MYLK: variants seen among roughly 807,000 people sequenced by gnomAD.
The protein encoded by MYLK is myosin light chain kinase, smooth muscle.
Under a neutral mutation model 203.4 loss-of-function variants are expected in MYLK, and 106 were observed. The ratio of observed to expected loss-of-function variants is 0.52; its 90% CI spans 0.45 to 0.61. The LOEUF is 0.61. Ranked by LOEUF, MYLK falls within the 20% of genes least tolerant of loss-of-function variation. The pLI, the probability that MYLK is intolerant of heterozygous loss-of-function variation, is 0.00. For synonymous variants in MYLK, 867 were observed against 959.5 expected, an observed-to-expected ratio of 0.90 and a Z score of 1.78; for missense variants, 2,072 against 2,442.3, an observed-to-expected ratio of 0.85 and a Z score of 3.20.
At chr3:123,799,812 A>G (rs2065129109) in intron 3 of MYLK, 1 of 152,332 alleles carries the variant, frequency 6.6e-6, no homozygotes, top group Non-Finnish European at 1.5e-5. Flanking sequence ...GCAGGACCAC[A>G]CACCAGTGAA....
At chr3:123,804,174 C>T (rs1300490884) in intron 3 of MYLK, among the ~76,000 whole-genome samples, 1 of 152,182 alleles carries the variant, frequency 6.6e-6, no homozygotes, top group Non-Finnish European at 1.5e-5. Flanking sequence ...CTTCATTCTT[C>T]CTCTCCCTCC....
intron 19 of MYLK, among the ~76,000 whole-genome samples, chr3:123,682,596 C>T (rs1005665365): frequency 4.6e-5 from 7 of 152,206 alleles, no homozygotes; most frequent in East Asian, 3.9e-4. Context: ...GATGCTCCCC[C>T]GGAATGCCAT....
intron 4 of MYLK, 150 bp downstream of exon 4, chr3:123,793,527 A>G: frequency 4.8e-6 from 4 of 830,668 alleles, no homozygotes; most frequent in Non-Finnish European, 7.4e-6. Flanking sequence ...CAAAAGAAAG[A>G]GAAAAGTGGC....
At chr3:123,681,460 C>A (rs2108449830) in intron 20 of MYLK, 1 of 152,766 alleles carries the variant, frequency 6.5e-6, no homozygotes, top group East Asian at 1.9e-4. Flanking sequence ...AGACACATCT[C>A]CGTGACATTG....
intron 2 of MYLK, among the ~76,000 whole-genome samples, chr3:123,857,557 A>G (rs568814753): frequency 6.6e-6 from 1 of 151,380 alleles, no homozygotes; most frequent in South Asian, 2.1e-4. Context: ...ACAAAAAACC[A>G]AACACCGCAT....
At chr3:123,837,181 C>T (rs1332579132) in intron 2 of MYLK, among the ~76,000 whole-genome samples, 1 of 152,050 alleles carries the variant, frequency 6.6e-6, no homozygotes, top group Non-Finnish European at 1.5e-5. Context: ...TACAGGCATG[C>T]ACCACCATGC....
intron 23 of MYLK, among the ~76,000 whole-genome samples, chr3:123,660,601 A>C (rs939590876): frequency 4.6e-5 from 7 of 152,244 alleles, no homozygotes; most frequent in African/African-American, 1.4e-4. Flanking sequence ...TCACTCATTT[A>C]AGCTAACAGA....
At chr3:123,712,229 G>C (rs573053678) in intron 13 of MYLK, among the ~76,000 whole-genome samples, 1 of 152,350 alleles carries the variant, frequency 6.6e-6, no homozygotes, top group South Asian at 2.1e-4. Flanking sequence ...GAAATGCATT[G>C]ATCTATCTCG....
chr3:123,695,452 G>A (rs958324477), intron 18 of MYLK, among the ~76,000 whole-genome samples: 1 of 152,232 alleles, frequency 6.6e-6, no homozygotes, highest in Middle Eastern at 3.2e-3. Flanking sequence ...TTCTGAGAAG[G>A]ATGAAGGCAT....
rs1243502284 is a variant in MYLK, at chr3:123,640,567, G to C, written c.4620-63C>G. On this transcript the variant is annotated intron_variant, in intron 27 of 33. Coordinates refer to ENST00000360304, the MANE Select transcript of MYLK (RefSeq NM_053025.4). This position sits in a 1 kb window ranked among gnomAD's most constrained non-coding sequence, Gnocchi z 4.3. ...CTCATGGAGGCCAGGCTGGCAGGGA[G>C]TCTGGCCAGGGTAGGCTGGGGGTAG... 1.3e-6 allele frequency: 2 copies of C among 1,576,140 alleles called. No homozygotes were observed. Among genetic ancestry groups the C allele is most frequent in the Non-Finnish European group, 1.7e-6 (2 of 1,148,052 alleles).
chr3:123,826,949 T>C (rs1486779383), intron 3 of MYLK, among the ~76,000 whole-genome samples: 1 of 152,136 alleles, frequency 6.6e-6, no homozygotes, highest in African/African-American at 2.4e-5. Flanking sequence ...TTCATAAAAT[T>C]GGAAGAGGCA....
intron 2 of MYLK, among the ~76,000 whole-genome samples, chr3:123,864,188 G>A (rs1183781920): frequency 6.6e-6 from 1 of 152,182 alleles, no homozygotes; most frequent in African/African-American, 2.4e-5. Context: ...TGCATCTGGA[G>A]GGTGGGGACA....
Position 123,640,330 on chromosome 3 carries a change from G to A in MYLK, c.4794C>T (p.Gly1598=), listed in dbSNP as rs769923415. 1 of 1,613,904 alleles carries A rather than the reference G, an allele frequency of 6.2e-7. No individual in the cohort carries two copies. The highest frequency in any genetic ancestry group is 8.5e-7 in the Non-Finnish European group (1 of 1,179,990). Residue 1598 remains glycine (G), a synonymous_variant, in exon 28 of 34, where the codon GGC becomes GGT. Coordinates refer to ENST00000360304, the MANE Select transcript of MYLK (RefSeq NM_053025.4). This position sits in a 1 kb window ranked among gnomAD's most constrained non-coding sequence, Gnocchi z 4.3. ...CAAAGTCGATGAGCTTGATCCTGGT[G>A]CCCGTCTTGTTGACACACATGATGT... is the stretch of plus-strand genomic sequence containing the variant. The part of the protein sequence containing the change: ...PENIMCVNKT[G]TRIKLIDFGL...
intron 29 of MYLK, among the ~76,000 whole-genome samples, chr3:123,633,062 C>G (rs2058502920): frequency 6.6e-6 from 1 of 152,052 alleles, no homozygotes; most frequent in Non-Finnish European, 1.5e-5. Flanking sequence ...TCCCAAAGTG[C>G]ATTACAGGCA....
intron 22 of MYLK, among the ~76,000 whole-genome samples, chr3:123,665,062 T>G (rs1252694362): frequency 6.6e-6 from 1 of 152,218 alleles, no homozygotes. Context: ...TGCACAACCT[T>G]GTGAATCTAC....
At chr3:123,644,119 T>A (rs144760798) in intron 27 of MYLK, among the ~76,000 whole-genome samples, 2 of 152,218 alleles carry the variant, frequency 1.3e-5, no homozygotes, top group Non-Finnish European at 2.9e-5. Context: ...GCAACTGGAC[T>A]TAAGGCAGGG....
At chr3:123,803,176 C>T (rs547384440) in intron 3 of MYLK, among the ~76,000 whole-genome samples, 175 of 152,272 alleles carry the variant, frequency 1.1e-3, no homozygotes, top group African/African-American at 3.9e-3. Flanking sequence ...CTGTACAATG[C>T]GGCTACTGCT....
chr3:123,843,498 G>A (rs529293092), intron 2 of MYLK, among the ~76,000 whole-genome samples: 1 of 152,274 alleles, frequency 6.6e-6, no homozygotes, highest in Admixed American at 6.5e-5. Flanking sequence ...TAGGAATAAA[G>A]GTAAGGTGGC....
At chr3:123,665,298 G>A (rs2059699747) in intron 22 of MYLK, among the ~76,000 whole-genome samples, 1 of 152,218 alleles carries the variant, frequency 6.6e-6, no homozygotes, top group African/African-American at 2.4e-5. Flanking sequence ...AGTTCTGAAG[G>A]ACAGAGCTGG....
Sources: gnomAD v4.1 joint callset for allele counts (sites outside exome capture counted in the v4.1 genomes callset) on GRCh38, gnomAD v4.1.1 for gene constraint, Gnocchi (gnomAD v3.1) non-coding constraint, MANE v1.5 for transcripts, NCBI Gene and HGNC (gene_info 2026-07-23, HGNC 2026-07-21) for gene names.